The following MARCHF3 variants were observed in gnomAD, a reference collection of about 807,000 sequenced individuals.
The protein encoded by MARCHF3 is E3 ubiquitin-protein ligase MARCHF3.
Under a neutral mutation model 24.2 loss-of-function variants are expected in MARCHF3, and 13 were observed. That is an observed-to-expected ratio of 0.54 (90% CI 0.35 to 0.85). The LOEUF (loss-of-function observed/expected upper bound fraction) is 0.85, where lower values mean the gene tolerates loss of function less well. Ranked by LOEUF, MARCHF3 falls within the 40% of genes least tolerant of loss-of-function variation. The pLI is 0.01. For synonymous variants in MARCHF3, 144 were observed against 137.3 expected, an observed-to-expected ratio of 1.05 and a Z score of -0.34; for missense variants, 276 against 325.0, an observed-to-expected ratio of 0.85 and a Z score of 1.16.
At chr5:126,876,784 G>A (rs1180161672) in intron 4 of MARCHF3, among the ~76,000 whole-genome samples, 2 of 152,118 alleles carry the variant, frequency 1.3e-5, no homozygotes, top group Non-Finnish European at 2.9e-5. Flanking sequence ...CAAATAGCTA[G>A]TATTACAGAC....
intron 1 of MARCHF3, among the ~76,000 whole-genome samples, chr5:126,920,517 T>C (rs1170759788): frequency 3.3e-5 from 5 of 152,142 alleles, no homozygotes; most frequent in Non-Finnish European, 5.9e-5. Flanking sequence ...CATGGAATCA[T>C]TATGTCTAGA....
chr5:126,906,821 G>A (rs189910642), intron 3 of MARCHF3, among the ~76,000 whole-genome samples: 1 of 152,084 alleles, frequency 6.6e-6, no homozygotes, highest in Admixed American at 6.5e-5. Context: ...ATTTCCTTCA[G>A]TTCTGCTCTG....
At chr5:126,926,012 C>T (rs1749282760) in intron 1 of MARCHF3, among the ~76,000 whole-genome samples, 1 of 152,104 alleles carries the variant, frequency 6.6e-6, no homozygotes, top group Non-Finnish European at 1.5e-5. Context: ...CTGAAGGCTC[C>T]CAATTTGTTT....
intron 3 of MARCHF3, among the ~76,000 whole-genome samples, chr5:126,897,045 A>ATTTTTTT (rs759577287): frequency 8.6e-6 from 1 of 116,448 alleles, no homozygotes; most frequent in Non-Finnish European, 1.7e-5. Flanking sequence ...AAGTTTGAGA[A>ATTTTTTT]TTTTTTTTTT....
intron 1 of MARCHF3, among the ~76,000 whole-genome samples, chr5:127,021,586 G>A (rs1427649895): frequency 1.3e-5 from 2 of 152,128 alleles, no homozygotes; most frequent in Non-Finnish European, 2.9e-5. Context: ...GGTCACTATC[G>A]GGATTCCATT....
At position 126,878,808 on chromosome 5, in the gene MARCHF3, C is replaced by T. The variant is rs951956762; in HGVS notation, c.394-414G>A. On this transcript the variant is annotated intron_variant, in intron 3 of 4. Coordinates refer to ENST00000308660, the MANE Select transcript of MARCHF3 (RefSeq NM_178450.5). The stretch of plus-strand genomic sequence containing the variant: ...GCTGGAAACGGTTGAGTTGCTCAAG[C>T]CCCGCACATTCCCAAGACAGGCCTG... 2.0e-5 allele frequency among the ~76,000 whole-genome samples: 3 copies of T among 152,174 alleles called. No homozygotes were observed. In the East Asian group the frequency reaches 5.8e-4, roughly 29 times the overall value.
chr5:127,026,214 C>G (rs1752994295), intron 1 of MARCHF3, among the ~76,000 whole-genome samples: 1 of 152,112 alleles, frequency 6.6e-6, no homozygotes, highest in Admixed American at 6.6e-5. Context: ...GAAATCAGTC[C>G]CATTGTATGA....
chr5:126,934,653 T>C (rs1305401339), intron 1 of MARCHF3, among the ~76,000 whole-genome samples: 2 of 151,268 alleles, frequency 1.3e-5, no homozygotes, highest in Non-Finnish European at 2.9e-5. Context: ...AGAATATTGT[T>C]GAAAAAGAAG....
At chr5:126,950,915 A>C (rs543069119) in intron 1 of MARCHF3, among the ~76,000 whole-genome samples, 1 of 152,322 alleles carries the variant, frequency 6.6e-6, no homozygotes, top group South Asian at 2.1e-4. Flanking sequence ...AAAGTGTAAA[A>C]TTTGATCAGT....
intron 1 of MARCHF3, among the ~76,000 whole-genome samples, chr5:127,024,490 C>T (rs1422522170): frequency 5.3e-5 from 8 of 152,128 alleles, no homozygotes; most frequent in South Asian, 2.1e-4. Flanking sequence ...TCAGGTCAAA[C>T]GGGGACAGGG....
intron 1 of MARCHF3, among the ~76,000 whole-genome samples, chr5:126,919,282 A>G (rs1561427327): frequency 6.6e-6 from 1 of 152,212 alleles, no homozygotes; most frequent in Admixed American, 6.5e-5. Flanking sequence ...AGAAACTTGA[A>G]GGAAGAATTC....
intron 3 of MARCHF3, among the ~76,000 whole-genome samples, chr5:126,894,587 C>A (rs2126778146): frequency 6.6e-6 from 1 of 151,940 alleles, no homozygotes; most frequent in African/African-American, 2.4e-5. Flanking sequence ...GTTGAAAATT[C>A]TTTTCTTTAA....
chr5:126,970,082 C>CT (rs1041350895), intron 1 of MARCHF3, among the ~76,000 whole-genome samples: 22 of 148,696 alleles, frequency 1.5e-4, no homozygotes, highest in Non-Finnish European at 1.9e-4. Flanking sequence ...CTTCTTTTTT[C>CT]TTTTTTTTTT....
At chr5:126,964,175 C>CG (rs1750732713) in intron 1 of MARCHF3, among the ~76,000 whole-genome samples, 1 of 152,214 alleles carries the variant, frequency 6.6e-6, no homozygotes, top group Non-Finnish European at 1.5e-5. Flanking sequence ...TATGCCTCAT[C>CG]TATCCTTGGC....
chr5:126,923,073 T>C (rs569579254), intron 1 of MARCHF3, among the ~76,000 whole-genome samples: 1 of 152,280 alleles, frequency 6.6e-6, no homozygotes, highest in African/African-American at 2.4e-5. Flanking sequence ...AATAAAGATA[T>C]ATGTGCAGCA....
chr5:126,997,152 A>G (rs1731022741), intron 1 of MARCHF3, among the ~76,000 whole-genome samples: 1 of 152,218 alleles, frequency 6.6e-6, no homozygotes, highest in Non-Finnish European at 1.5e-5. Flanking sequence ...ACCAATAGAT[A>G]CCAGATGTTA....
At chr5:127,003,370 A>G (rs1340254376) in intron 1 of MARCHF3, among the ~76,000 whole-genome samples, 1 of 151,590 alleles carries the variant, frequency 6.6e-6, no homozygotes, top group Non-Finnish European at 1.5e-5. Context: ...GGAGAGGCTG[A>G]GGCAGGAGAA....
At chr5:126,969,277 A>C (rs1750916826) in intron 1 of MARCHF3, among the ~76,000 whole-genome samples, 1 of 152,124 alleles carries the variant, frequency 6.6e-6, no homozygotes, top group South Asian at 2.1e-4. Flanking sequence ...TACCCAACAT[A>C]TATATGTTGG....
intron 1 of MARCHF3, among the ~76,000 whole-genome samples, chr5:127,014,866 A>G (rs1390335653): frequency 6.6e-6 from 1 of 152,218 alleles, no homozygotes; most frequent in Non-Finnish European, 1.5e-5. Context: ...CCAGCTATGT[A>G]GGTGGAACAA....
Sources: allele counts gnomAD v4.1 joint callset (sites outside exome capture counted in the v4.1 genomes callset), GRCh38; gene constraint gnomAD v4.1.1; transcripts MANE v1.5; gene names NCBI Gene and HGNC (gene_info 2026-07-23, HGNC 2026-07-21).